The following GABRA3 variants were observed in gnomAD, a reference collection of about 807,000 sequenced individuals.
GABRA3 encodes the protein gamma-aminobutyric acid receptor subunit alpha-3.
Under a neutral mutation model 30.1 loss-of-function variants are expected in GABRA3, and 10 were observed. The ratio of observed to expected loss-of-function variants is 0.33; its 90% CI spans 0.20 to 0.56. The LOEUF is 0.56. Ranked by LOEUF, GABRA3 falls within the 20% of genes least tolerant of loss-of-function variation. The pLI, the probability that GABRA3 is intolerant of heterozygous loss-of-function variation, is 0.89. For synonymous variants in GABRA3, 151 were observed against 146.8 expected (o/e 1.03, Z -0.21); for missense variants, 233 against 392.0 (o/e 0.59, Z 3.42).
chrX:152,187,454 T>C (rs1455954359), intron 9 of GABRA3: 1 of 111,818 alleles, frequency 8.9e-6, no homozygotes, highest in African/African-American at 3.3e-5. Context: ...ATCCTGGAAC[T>C]CTGACTACCA....
intron 6 of GABRA3, among the ~76,000 whole-genome samples, chrX:152,215,986 G>A (rs1937713240): frequency 9.0e-6 from 1 of 110,843 alleles, no homozygotes; most frequent in African/African-American, 3.3e-5. Context: ...TATAAAAAAT[G>A]CCCAATATCG....
intron 3 of GABRA3, among the ~76,000 whole-genome samples, chrX:152,335,092 A>C (rs6653476): frequency 0.18 from 19,472 of 110,644 alleles, 1,359 homozygotes; most frequent in African/African-American, 0.26. Context: ...GGAGACTCTA[A>C]CTTGGGAATA....
chrX:152,421,098 TACACACACACACACACAC>T (rs60206606), intron 1 of GABRA3, among the ~76,000 whole-genome samples: 3 of 94,986 alleles, frequency 3.2e-5, no homozygotes, highest in South Asian at 5.4e-4. Flanking sequence ...TTACACATTA[TACACACACACACACACAC>T]ACACACACAC....
intron 4 of GABRA3, among the ~76,000 whole-genome samples, chrX:152,274,871 A>C (rs748389074): frequency 9.3e-6 from 1 of 107,333 alleles, no homozygotes; most frequent in South Asian, 3.9e-4. Flanking sequence ...AAAAAAGGTT[A>C]CTTTGAAAAC....
chrX:152,389,105 G>A (rs1424354553), intron 1 of GABRA3, among the ~76,000 whole-genome samples: 3 of 112,176 alleles, frequency 2.7e-5, no homozygotes, highest in Non-Finnish European at 5.6e-5. Context: ...TCTGCTTACT[G>A]AAGTATATGT....
chrX:152,363,522 T>A (rs768197334), intron 2 of GABRA3, among the ~76,000 whole-genome samples: 2 of 111,220 alleles, frequency 1.8e-5, no homozygotes, highest in Non-Finnish European at 3.8e-5. Flanking sequence ...GTAGGACAAA[T>A]CTTTTAGTGC....
intron 1 of GABRA3, among the ~76,000 whole-genome samples, chrX:152,437,716 A>G (rs1930811028): frequency 8.9e-6 from 1 of 112,114 alleles, no homozygotes. Flanking sequence ...CCACATGAAT[A>G]TAGTCAACTG....
intron 4 of GABRA3, among the ~76,000 whole-genome samples, chrX:152,273,640 C>G (rs906017277): frequency 8.9e-6 from 1 of 111,811 alleles, no homozygotes; most frequent in African/African-American, 3.2e-5. Flanking sequence ...TTTGCAGAAA[C>G]TTGGATGGAA....
chrX:152,231,758 C>A (rs1483941188), intron 5 of GABRA3, among the ~76,000 whole-genome samples: 1 of 111,494 alleles, frequency 9.0e-6, no homozygotes, highest in African/African-American at 3.3e-5. Context: ...AAGGTGGAAA[C>A]AACCCAAATG....
At chrX:152,449,833 T>C (rs1931179001) in intron 1 of GABRA3, among the ~76,000 whole-genome samples, 1 of 112,046 alleles carries the variant, frequency 8.9e-6, no homozygotes, top group Non-Finnish European at 1.9e-5. Flanking sequence ...CTTGGATAAG[T>C]TACTTAACCT....
chrX:152,201,605 T>A (rs1387090759), intron 7 of GABRA3, among the ~76,000 whole-genome samples: 1 of 111,643 alleles, frequency 9.0e-6, no homozygotes, highest in Non-Finnish European at 1.9e-5. Flanking sequence ...CCTATTAAAC[T>A]CCATCTGTGT....
chrX:152,432,937 T>A (rs1930682927), intron 1 of GABRA3, among the ~76,000 whole-genome samples: 1 of 110,508 alleles, frequency 9.0e-6, no homozygotes, highest in Non-Finnish European at 1.9e-5. Flanking sequence ...GAATAACCTA[T>A]CAGTGCAATT....
At chrX:152,388,262 T>C (rs999315036) in intron 1 of GABRA3, among the ~76,000 whole-genome samples, 10 of 111,649 alleles carry the variant, frequency 9.0e-5, no homozygotes, top group Admixed American at 2.9e-4. Context: ...GAGAATGGAA[T>C]TGAAACAAAT....
intron 3 of GABRA3, among the ~76,000 whole-genome samples, chrX:152,327,428 C>T (rs1401986674): frequency 9.0e-6 from 1 of 111,673 alleles, no homozygotes; most frequent in African/African-American, 3.3e-5. Flanking sequence ...ACACTTATTC[C>T]AAAATTGACC....
At chrX:152,211,379 C>T (rs1376628601) in intron 6 of GABRA3, among the ~76,000 whole-genome samples, 1 of 109,482 alleles carries the variant, frequency 9.1e-6, no homozygotes, top group East Asian at 2.9e-4. Flanking sequence ...AGAAAATTCA[C>T]TTCTCCAGAC....
intron 1 of GABRA3, among the ~76,000 whole-genome samples, chrX:152,385,149 T>C (rs763159864): frequency 8.9e-6 from 1 of 111,834 alleles, no homozygotes; most frequent in East Asian, 2.8e-4. Context: ...AAGAGATCTC[T>C]TACACTTCAG....
chrX:152,345,632 AG>A lies in GABRA3; in HGVS notation c.210del (p.Leu71TrpfsTer20). 1 of 1,209,290 alleles carries A rather than the reference AG, an allele frequency of 8.3e-7. No homozygotes were observed. The highest frequency in any genetic ancestry group is 1.1e-6 in the Non-Finnish European group (1 of 893,786). The stretch of plus-strand genomic sequence containing the variant: ...TCATAGCCGTCCAGAAGACGATCCA[AG>A]ATTCTGGTGAAGATAGTGATGTTGT... ...STDNITIFTR[I>X]LDRLLDGYDN... On this transcript the variant is annotated frameshift_variant, in exon 3 of 10. Transcript: ENST00000370314. LOFTEE classifies it high-confidence loss of function.
chrX:152,406,046 T>C, intron 1 of GABRA3, among the ~76,000 whole-genome samples: 1 of 110,163 alleles, frequency 9.1e-6, no homozygotes, highest in Admixed American at 9.7e-5. Context: ...TTATCTTACT[T>C]AAGCCCACCA....
intron 1 of GABRA3, among the ~76,000 whole-genome samples, chrX:152,415,855 G>T (rs971440352): frequency 3.5e-4 from 39 of 110,995 alleles, no homozygotes; most frequent in Middle Eastern, 4.7e-3. Context: ...CACTTAAAAT[G>T]CCCAGCATTC....
Sources: allele counts gnomAD v4.1 joint callset (sites outside exome capture counted in the v4.1 genomes callset), GRCh38; gene constraint gnomAD v4.1.1; transcripts MANE v1.5; gene names NCBI Gene and HGNC (gene_info 2026-07-23, HGNC 2026-07-21).